The following ITSN1 variants were observed in gnomAD, a reference collection of about 807,000 sequenced individuals.
ITSN1 encodes intersectin 1, also known as intersectin-1.
ITSN1 carries 58 observed loss-of-function variants against 239.8 expected under a neutral mutation model. That is an observed-to-expected ratio of 0.24 (90% CI 0.20 to 0.30). ITSN1 has a LOEUF of 0.30. Among genes scored for constraint, ITSN1 ranks in the 10% least tolerant of loss-of-function variants. The pLI is 1.00. For synonymous variants in ITSN1, 780 were observed against 770.8 expected (o/e 1.01, Z -0.20); for missense variants, 1,558 against 2,103.3 (o/e 0.74, Z 5.07).
At position 33,767,743 on chromosome 21, in the gene ITSN1, C is replaced by A. The variant is rs1236678621; in HGVS notation, c.957C>A (p.Val319=). The change falls in exon 11 of 40, where the codon GTC becomes GTA. Residue 319 remains valine (V), a synonymous_variant. Transcript: ENST00000381318. ...RRVRSGSGIS[V]ISSTSVDQRL... is the part of the protein sequence containing the mutation. ...TTCGATCTGGCAGTGGTATATCTGTCATAAGCTCAACATCTGTAGATCAGA... is the reference window on the plus strand; with the variant it reads ...TTCGATCTGGCAGTGGTATATCTGTAATAAGCTCAACATCTGTAGATCAGA... 1 of 1,612,108 alleles carries A rather than the reference C, an allele frequency of 6.2e-7. No homozygotes were observed. The highest frequency in any genetic ancestry group is 1.1e-5 in the South Asian group (1 of 90,780).
intron 14 of ITSN1, among the ~76,000 whole-genome samples, chr21:33,777,250 C>T (rs1241029445): frequency 3.3e-5 from 5 of 152,102 alleles, no homozygotes; most frequent in Non-Finnish European, 7.4e-5. Context: ...ATTGAGTTAC[C>T]TTGGTAGCTT....
intron 34 of ITSN1, among the ~76,000 whole-genome samples, chr21:33,877,353 C>T (rs1984113062): frequency 6.6e-6 from 1 of 152,026 alleles, no homozygotes; most frequent in Non-Finnish European, 1.5e-5. Context: ...GCACCTGGCC[C>T]ACCTGCAGGC....
At chr21:33,755,450 G>A (rs1353852604) in intron 8 of ITSN1, 53 bp downstream of exon 8, 3 of 979,530 alleles carry the variant, frequency 3.1e-6, no homozygotes, top group Non-Finnish European at 4.7e-6. Flanking sequence ...AATGTAAACT[G>A]TTTCTAGATA....
chr21:33,804,755 C>G (rs1212533472), intron 20 of ITSN1, among the ~76,000 whole-genome samples: 1 of 152,088 alleles, frequency 6.6e-6, no homozygotes. Flanking sequence ...GGCTGAGTGT[C>G]TAAATCAGTA....
chr21:33,719,085 A>G (rs2065332087), intron 2 of ITSN1, among the ~76,000 whole-genome samples: 1 of 152,202 alleles, frequency 6.6e-6, no homozygotes, highest in African/African-American at 2.4e-5. Flanking sequence ...TAGTATGTGT[A>G]CCTAAAAGAT....
chr21:33,699,890 G>T (rs971538642), intron 1 of ITSN1, among the ~76,000 whole-genome samples: 1 of 152,076 alleles, frequency 6.6e-6, no homozygotes, highest in African/African-American at 2.4e-5. Context: ...GCCTCCCCAA[G>T]TAGCTGGGAT....
At chr21:33,770,056 A>AT (rs1277084846) in intron 11 of ITSN1, among the ~76,000 whole-genome samples, 1 of 147,686 alleles carries the variant, frequency 6.8e-6, no homozygotes, top group South Asian at 2.1e-4. Flanking sequence ...TCAACGGCTA[A>AT]TTTTTTTTGT....
chr21:33,733,474 AAG>A (rs1305254064), intron 4 of ITSN1, among the ~76,000 whole-genome samples: 2 of 152,218 alleles, frequency 1.3e-5, no homozygotes, highest in African/African-American at 4.8e-5. Context: ...CATATGATAA[AAG>A]AAATATTTTA....
Position 33,735,156 on chromosome 21 carries a change from C to T in ITSN1, c.298C>T (p.Pro100Ser), listed in dbSNP as rs1569054925. 7 of 1,613,742 alleles carry T rather than the reference C, an allele frequency of 4.3e-6. No individual in the cohort carries two copies. Among genetic ancestry groups the T allele is most frequent in the South Asian group, 1.1e-5 (1 of 91,000 alleles). ...QGYQLPSALP[P>S]VMKQQPVAIS... ...ATATCAGCTACCCTCTGCACTTCCC[C>T]CTGTCATGAAACAGCAACCAGTTGC... Residue 100 changes from proline to serine, a missense_variant, in exon 5 of 40, where the codon CCT (proline) becomes TCT (serine). Pro to Ser is a moderately conservative substitution (Grantham distance 74). Transcript: ENST00000381318.
chr21:33,846,401 T>C (rs2074991257), intron 29 of ITSN1, among the ~76,000 whole-genome samples: 1 of 152,248 alleles, frequency 6.6e-6, no homozygotes, highest in Non-Finnish European at 1.5e-5. Context: ...TAGATACTCT[T>C]ACCTCCCCAG....
At chr21:33,819,466 T>C in intron 24 of ITSN1, 143 bp downstream of exon 24, 1 of 530,240 alleles carries the variant, frequency 1.9e-6, no homozygotes, top group Middle Eastern at 3.0e-4. Context: ...TTTAGCTCTT[T>C]ACAGAATCGG....
At chr21:33,809,476 T>C (rs2072730083) in intron 20 of ITSN1, among the ~76,000 whole-genome samples, 1 of 152,226 alleles carries the variant, frequency 6.6e-6, no homozygotes, top group South Asian at 2.1e-4. Flanking sequence ...TCAAATAAGC[T>C]AATAAGTATT....
intron 1 of ITSN1, among the ~76,000 whole-genome samples, chr21:33,678,232 C>T (rs2090715237): frequency 1.3e-5 from 2 of 152,118 alleles, no homozygotes; most frequent in Admixed American, 1.3e-4. Context: ...TAGAAGCTAC[C>T]TCTGATGTCT....
chr21:33,847,667 T>C (rs1040316085), intron 29 of ITSN1, among the ~76,000 whole-genome samples: 1 of 152,182 alleles, frequency 6.6e-6, no homozygotes, highest in African/African-American at 2.4e-5. Context: ...AGATGGTCTC[T>C]GGGCTCAGAG....
At position 33,651,201 on chromosome 21, in the gene ITSN1, G is replaced by T. The variant is rs534763202; in HGVS notation, c.-33+8488G>T. ...CAAGTGCTGGGGGCAAGAGAGACAG[G>T]TGGGGAGTGAAGGAGAGAGGCCCAC... On this transcript the variant is annotated intron_variant, in intron 1 of 39. Coordinates refer to ENST00000381318, the MANE Select transcript of ITSN1 (RefSeq NM_003024.3). Among the ~76,000 whole-genome samples, 25 of 152,386 alleles carry T rather than the reference G, an allele frequency of 1.6e-4. 1 individual carries two copies. The South Asian group carries it at 5.2e-3, about 32-fold the overall frequency.
At chr21:33,838,641 C>T (rs1349449244) in intron 29 of ITSN1, 3 of 179,636 alleles carry the variant, frequency 1.7e-5, no homozygotes, top group African/African-American at 2.4e-5. Flanking sequence ...ATCAGAGGCT[C>T]GCCGAGTCTT....
chr21:33,875,569 C>G lies in ITSN1; in HGVS notation c.4341+48C>G, dbSNP rs933130. On this transcript the variant is annotated intron_variant, in intron 34 of 39. Transcript: ENST00000381318. Reference sequence around the variant, plus strand: ...CCTGGTCTCCCCCGGCAGAGCCTCGCCTGCCAGCCTGGAGGAGGACAAAGA... The same window carrying G: ...CCTGGTCTCCCCCGGCAGAGCCTCGGCTGCCAGCCTGGAGGAGGACAAAGA... 0.53 allele frequency: 836,885 copies of G among 1,570,624 alleles called. 225,047 individuals are homozygous for G. Among genetic ancestry groups the G allele is most frequent in the African/African-American group, 0.72 (53,253 of 73,782 alleles).
chr21:33,712,004 C>A (rs1043880099), intron 1 of ITSN1, among the ~76,000 whole-genome samples: 1 of 152,136 alleles, frequency 6.6e-6, no homozygotes, highest in Non-Finnish European at 1.5e-5. Flanking sequence ...ATCTCAGCTT[C>A]TCTCTAAAAT....
chr21:33,665,891 A>G (rs1247839335), intron 1 of ITSN1, among the ~76,000 whole-genome samples: 2 of 152,180 alleles, frequency 1.3e-5, no homozygotes, highest in Non-Finnish European at 2.9e-5. Context: ...TGTACCTTGA[A>G]AACATGCTAA....
Sources: allele counts gnomAD v4.1 joint callset (sites outside exome capture counted in the v4.1 genomes callset), GRCh38; gene constraint gnomAD v4.1.1; transcripts MANE v1.5; gene names NCBI Gene and HGNC (gene_info 2026-07-23, HGNC 2026-07-21).